SCGN: variants seen among roughly 807,000 people sequenced by gnomAD.
SCGN encodes the protein secretagogin, EF-hand calcium binding protein.
SCGN carries 30 observed loss-of-function variants against 39.7 expected under a neutral mutation model. That is an observed-to-expected ratio of 0.76 (90% CI 0.57 to 1.03). The LOEUF is 1.03. Among genes scored for constraint, SCGN ranks in the 50% least tolerant of loss-of-function variants. SCGN has a pLI of 0.00. For synonymous variants in SCGN, 106 were observed against 114.1 expected (o/e 0.93, Z 0.45); for missense variants, 353 against 349.4 (o/e 1.01, Z -0.08).
Position 25,653,415 on chromosome 6 carries a change from C to T in SCGN, c.116C>T (p.Ala39Val). 6.2e-7 allele frequency: 1 copy of T among 1,613,040 alleles called. No individual in the cohort carries two copies. Among genetic ancestry groups the T allele is most frequent in the Non-Finnish European group, 8.5e-7 (1 of 1,179,286 alleles). Residue 39 changes from alanine to valine, a missense_variant, in exon 2 of 11, where the codon GCT becomes GTT. Coordinates refer to ENST00000377961, the MANE Select transcript of SCGN (RefSeq NM_006998.4). ...KGYIEEKELD[A>V]FFLHMLMKLG... is the part of the protein sequence containing the mutation. ...TACATAGAAGAGAAGGAACTCGATGCTTTCTTTCTCCACATGTTGATGAAA... is the reference window on the plus strand; with the variant it reads ...TACATAGAAGAGAAGGAACTCGATGTTTTCTTTCTCCACATGTTGATGAAA...
In SCGN at chr6:25,673,335, A is replaced by G. The variant is rs549668605; in HGVS notation, c.471+3259A>G. 1.2e-4 allele frequency among the ~76,000 whole-genome samples: 19 copies of G among 152,310 alleles called. No homozygotes were observed. In the South Asian group the frequency reaches 3.7e-3, roughly 30 times the overall value. ...CCTTAAACCAGACCCTCCAGGGCAGAATCAGAAAGGGTGCAGTATGTGGCT... is the reference window on the plus strand; with the variant it reads ...CCTTAAACCAGACCCTCCAGGGCAGGATCAGAAAGGGTGCAGTATGTGGCT... On this transcript the variant is annotated intron_variant, in intron 6 of 10. Transcript: ENST00000377961.
intron 10 of SCGN, among the ~76,000 whole-genome samples, chr6:25,695,255 C>T (rs1265909454): frequency 6.6e-6 from 1 of 152,054 alleles, no homozygotes; most frequent in Non-Finnish European, 1.5e-5. Flanking sequence ...ATGATTGACA[C>T]TTAAAAAAGC....
At chr6:25,673,874 G>T (rs1759532777) in intron 6 of SCGN, among the ~76,000 whole-genome samples, 1 of 152,162 alleles carries the variant, frequency 6.6e-6, no homozygotes, top group Non-Finnish European at 1.5e-5. Context: ...TACAAGCATG[G>T]TGCTGGCATC....
chr6:25,700,347 A>G (rs573897614), intron 10 of SCGN, among the ~76,000 whole-genome samples: 2 of 152,118 alleles, frequency 1.3e-5, no homozygotes, highest in South Asian at 4.1e-4. Context: ...ATCAGCACAC[A>G]TGTAGTTTCA....
Position 25,661,645 on chromosome 6 carries a change from G to A in SCGN, c.246+1G>A. 7 of 1,602,746 alleles carry A rather than the reference G, an allele frequency of 4.4e-6. No homozygotes were observed. In the South Asian group the frequency reaches 4.4e-5, roughly 10 times the overall value. On this transcript the variant is annotated splice_donor_variant, in intron 3 of 10. Coordinates refer to ENST00000377961, the MANE Select transcript of SCGN (RefSeq NM_006998.4). LOFTEE classifies it high-confidence loss of function. ...AGATGGTCGCATTCGGATGAAAGAGGTAACTTTACTGACAGTATTTTTCAT... is the reference window on the plus strand; with the variant it reads ...AGATGGTCGCATTCGGATGAAAGAGATAACTTTACTGACAGTATTTTTCAT...
rs1759911955 is a variant in SCGN at position 25,701,459 on chromosome 6, A to G, written c.*124A>G. 14 of 1,273,828 alleles carry G rather than the reference A, an allele frequency of 1.1e-5. No individual in the cohort carries two copies. The highest frequency in any genetic ancestry group is 1.5e-5 in the Non-Finnish European group (14 of 916,276). 78.9% of individuals were successfully genotyped at this position (1,273,828 alleles called of 1,614,324 possible). A position where few individuals can be genotyped will look rare whatever the true frequency, so the allele number is the denominator to read the frequency against. On this transcript the variant is annotated 3_prime_UTR_variant, in exon 11 of 11. Transcript: ENST00000377961. The stretch of plus-strand genomic sequence containing the variant: ...ACAAATGGTGTGCTATTCTTGGGCA[A>G]GAACAGGGACGCTAGGGCCTTCCTT...
At chr6:25,670,655 A>G (rs1422685755) in intron 6 of SCGN, among the ~76,000 whole-genome samples, 3 of 152,254 alleles carry the variant, frequency 2.0e-5, no homozygotes, top group Non-Finnish European at 2.9e-5. Context: ...GCACTTGCAT[A>G]CTGTCCAGAA....
intron 6 of SCGN, among the ~76,000 whole-genome samples, chr6:25,678,299 C>T (rs1377162894): frequency 2.6e-5 from 4 of 152,042 alleles, no homozygotes; most frequent in Non-Finnish European, 4.4e-5. Context: ...CCCCTACCAC[C>T]GCCATCTTCA....
chr6:25,689,399 C>T, intron 8 of SCGN, 74 bp from the exon 9 acceptor site: 3 of 1,426,172 alleles, frequency 2.1e-6, no homozygotes, highest in South Asian at 2.4e-5. Flanking sequence ...ACAAAATTTG[C>T]CCAGGACTCT....
At chr6:25,697,594 G>C (rs1291629155) in intron 10 of SCGN, among the ~76,000 whole-genome samples, 1 of 152,140 alleles carries the variant, frequency 6.6e-6, no homozygotes, top group Non-Finnish European at 1.5e-5. Flanking sequence ...GTAGGTGTAT[G>C]ACAAAAACAG....
intron 6 of SCGN, among the ~76,000 whole-genome samples, chr6:25,674,435 G>C (rs193152095): frequency 6.6e-6 from 1 of 152,218 alleles, no homozygotes; most frequent in Admixed American, 6.5e-5. Flanking sequence ...AGAAATTTTT[G>C]GGTGTACTAA....
intron 2 of SCGN, among the ~76,000 whole-genome samples, chr6:25,656,454 G>A (rs1382507203): frequency 6.6e-6 from 1 of 152,160 alleles, no homozygotes; most frequent in Admixed American, 6.5e-5. Flanking sequence ...AGCCTCGGAG[G>A]GGATTGACTT....
At chr6:25,677,158 C>T (rs1327829244) in intron 6 of SCGN, among the ~76,000 whole-genome samples, 1 of 152,124 alleles carries the variant, frequency 6.6e-6, no homozygotes, top group East Asian at 1.9e-4. Flanking sequence ...CTTCTCTCTA[C>T]CTCATGTCCA....
At chr6:25,691,017 GA>G (rs1436504672) in intron 9 of SCGN, 38 bp from the exon 10 acceptor site, 1 of 1,564,232 alleles carries the variant, frequency 6.4e-7, no homozygotes, top group South Asian at 1.1e-5. Context: ...TTTGGCTTAA[GA>G]AACTGATATT....
At chr6:25,671,900 C>G (rs1759502163) in intron 6 of SCGN, among the ~76,000 whole-genome samples, 1 of 152,182 alleles carries the variant, frequency 6.6e-6, no homozygotes, top group Non-Finnish European at 1.5e-5. Flanking sequence ...AAAACATGAC[C>G]TACTTAATGA....
chr6:25,668,543 A>T (rs1033182471), intron 4 of SCGN, among the ~76,000 whole-genome samples: 10 of 152,236 alleles, frequency 6.6e-5, no homozygotes, highest in African/African-American at 2.4e-4. Flanking sequence ...GTAATTTTTT[A>T]AAGTTCATCT....
chr6:25,686,818 ATATAAAC>A (rs1759711587), intron 7 of SCGN, among the ~76,000 whole-genome samples: 1 of 152,062 alleles, frequency 6.6e-6, no homozygotes, highest in Admixed American at 6.5e-5. Flanking sequence ...TCTAAGAGTT[ATATAAAC>A]TATAAAGTTT....
chr6:25,679,632 G>C (rs1330655303), intron 6 of SCGN, among the ~76,000 whole-genome samples: 1 of 152,180 alleles, frequency 6.6e-6, no homozygotes, highest in Non-Finnish European at 1.5e-5. Context: ...TTGGTTTATA[G>C]TCAAGGGTAG....
chr6:25,668,865 A>C (rs558024859), intron 4 of SCGN, among the ~76,000 whole-genome samples: 2 of 152,168 alleles, frequency 1.3e-5, no homozygotes, highest in Non-Finnish European at 2.9e-5. Context: ...TAATCCCAGC[A>C]CTTTGGGAGG....
Sources: allele counts gnomAD v4.1 joint callset (sites outside exome capture counted in the v4.1 genomes callset), GRCh38; gene constraint gnomAD v4.1.1; transcripts MANE v1.5; gene names NCBI Gene and HGNC (gene_info 2026-07-23, HGNC 2026-07-21).